The following CCDC178 variants were observed in gnomAD, a reference collection of about 807,000 sequenced individuals.
CCDC178 encodes coiled-coil domain-containing protein 178.
CCDC178 carries 126 observed loss-of-function variants against 117.4 expected under a neutral mutation model. The observed-to-expected ratio is 1.07, with a 90% CI of 0.93 to 1.24. The LOEUF is 1.24. CCDC178 is among the 50% of genes most tolerant of loss of function. The pLI, the probability that CCDC178 is intolerant of heterozygous loss-of-function variation, is 0.00. For synonymous variants in CCDC178, 283 were observed against 313.4 expected, an observed-to-expected ratio of 0.90 and a Z score of 1.02; for missense variants, 1,030 against 986.9, an observed-to-expected ratio of 1.04 and a Z score of -0.59.
chr18:33,300,355 T>C (rs2062161293), intron 11 of CCDC178, among the ~76,000 whole-genome samples: 1 of 152,200 alleles, frequency 6.6e-6, no homozygotes, highest in South Asian at 2.1e-4. Context: ...AATGGCTTAA[T>C]AAATAAAATT....
At chr18:32,938,691 A>T (rs2054172787) in intron 22 of CCDC178, among the ~76,000 whole-genome samples, 1 of 152,190 alleles carries the variant, frequency 6.6e-6, no homozygotes, top group Non-Finnish European at 1.5e-5. Flanking sequence ...TATATTTATA[A>T]CTACATGCTG....
Position 33,249,999 on chromosome 18 carries a change from G to A in CCDC178, c.1410-4571C>T, listed in dbSNP as rs185618542. 2.8e-3 allele frequency among the ~76,000 whole-genome samples: 424 copies of A among 151,942 alleles called. 11 individuals carry two copies. Among genetic ancestry groups the A allele is most frequent in the Non-Finnish European group, 6.0e-4 (41 of 67,902 alleles). On this transcript the variant is annotated intron_variant, in intron 14 of 22. Transcript: ENST00000383096. Reference sequence around the variant, plus strand: ...GTTCCTTCACATCCCTTGTAAGTTGGATTCCTAGGTATTTTATTCTCTTTG... The same window carrying A: ...GTTCCTTCACATCCCTTGTAAGTTGAATTCCTAGGTATTTTATTCTCTTTG...
chr18:33,107,539 A>G (rs1164095461), intron 20 of CCDC178, among the ~76,000 whole-genome samples: 1 of 151,798 alleles, frequency 6.6e-6, no homozygotes, highest in East Asian at 1.9e-4. Flanking sequence ...AATCACAATA[A>G]TAAGATGGTT....
At chr18:33,127,204 A>C (rs1488585010) in intron 20 of CCDC178, among the ~76,000 whole-genome samples, 1 of 151,842 alleles carries the variant, frequency 6.6e-6, no homozygotes, top group Admixed American at 6.6e-5. Context: ...AAACTTTCTG[A>C]TATTTATTCA....
chr18:32,946,066 G>C (rs1409072653), intron 22 of CCDC178, among the ~76,000 whole-genome samples: 1 of 152,036 alleles, frequency 6.6e-6, no homozygotes, highest in Non-Finnish European at 1.5e-5. Context: ...TTGGTGTTTG[G>C]AATAGGCATC....
intron 21 of CCDC178, among the ~76,000 whole-genome samples, chr18:33,066,549 T>C (rs1183396974): frequency 6.6e-6 from 1 of 152,100 alleles, no homozygotes; most frequent in Non-Finnish European, 1.5e-5. Flanking sequence ...TTAAAAGACA[T>C]AAACTGGCTA....
intron 20 of CCDC178, among the ~76,000 whole-genome samples, chr18:33,211,281 C>A (rs537044622): frequency 3.9e-4 from 59 of 151,822 alleles, no homozygotes; most frequent in Non-Finnish European, 7.7e-4. Context: ...GGTACTAATT[C>A]ATTACAATTA....
chr18:33,125,467 AC>A (rs1306774828), intron 20 of CCDC178, among the ~76,000 whole-genome samples: 6 of 152,168 alleles, frequency 3.9e-5, no homozygotes, highest in Non-Finnish European at 8.8e-5. Context: ...CACCTAAATG[AC>A]TTCACATATG....
chr18:33,317,598 C>T (rs189897976), intron 11 of CCDC178, among the ~76,000 whole-genome samples: 105 of 152,224 alleles, frequency 6.9e-4, no homozygotes, highest in Middle Eastern at 3.4e-3. Flanking sequence ...GATCCAAGAA[C>T]ACTCTCTTGG....
intron 21 of CCDC178, among the ~76,000 whole-genome samples, chr18:33,061,665 TC>T (rs1323875075): frequency 1.3e-5 from 2 of 152,244 alleles, no homozygotes; most frequent in African/African-American, 4.8e-5. Flanking sequence ...CTCAGCTACA[TC>T]TTCACACATT....
At chr18:33,336,935 A>T (rs1238856945) in intron 9 of CCDC178, among the ~76,000 whole-genome samples, 2 of 151,980 alleles carry the variant, frequency 1.3e-5, no homozygotes, top group Non-Finnish European at 2.9e-5. Flanking sequence ...TTCTGTGAAG[A>T]ATGGTGGTAG....
intron 21 of CCDC178, among the ~76,000 whole-genome samples, chr18:33,070,333 C>T (rs995515450): frequency 6.6e-6 from 1 of 152,036 alleles, no homozygotes; most frequent in African/African-American, 2.4e-5. Context: ...CAATAGAATA[C>T]TATTCAGCCA....
At chr18:33,051,606 A>C (rs927699895) in intron 21 of CCDC178, among the ~76,000 whole-genome samples, 2 of 152,170 alleles carry the variant, frequency 1.3e-5, no homozygotes, top group African/African-American at 4.8e-5. Flanking sequence ...ACACTTGACT[A>C]ATGTAGTTAT....
intron 7 of CCDC178, among the ~76,000 whole-genome samples, chr18:33,349,786 TAAAA>T (rs575959207): frequency 1.3e-5 from 2 of 151,822 alleles, no homozygotes; most frequent in Admixed American, 1.3e-4. Flanking sequence ...CCAAAAATCA[TAAAA>T]AATAATATAA....
At chr18:33,032,030 T>A (rs563824596) in intron 21 of CCDC178, among the ~76,000 whole-genome samples, 3 of 152,218 alleles carry the variant, frequency 2.0e-5, no homozygotes, top group African/African-American at 7.2e-5. Flanking sequence ...TATATAACTT[T>A]CACAAACAGG....
intron 21 of CCDC178, among the ~76,000 whole-genome samples, chr18:33,081,664 T>C (rs186998759): frequency 3.2e-4 from 49 of 152,312 alleles, no homozygotes; most frequent in Non-Finnish European, 1.0e-4. Flanking sequence ...TATCTTTCTT[T>C]AAAATATTTT....
intron 21 of CCDC178, among the ~76,000 whole-genome samples, chr18:32,983,056 T>G (rs2055185006): frequency 6.6e-6 from 1 of 151,526 alleles, no homozygotes; most frequent in South Asian, 2.1e-4. Context: ...TGCATGTATG[T>G]GGAAAGGGGG....
At chr18:33,222,458 G>A (rs1329582781) in intron 18 of CCDC178, among the ~76,000 whole-genome samples, 5 of 152,016 alleles carry the variant, frequency 3.3e-5, no homozygotes, top group Non-Finnish European at 5.9e-5. Context: ...CCAAGAACTA[G>A]GCAACAACAG....
intron 2 of CCDC178, among the ~76,000 whole-genome samples, chr18:33,428,796 A>T (rs2064161467): frequency 6.6e-6 from 1 of 150,820 alleles, no homozygotes; most frequent in Non-Finnish European, 1.5e-5. Context: ...GAGTGAGGGT[A>T]ATATAACAGG....
Sources: allele counts gnomAD v4.1 joint callset (sites outside exome capture counted in the v4.1 genomes callset), GRCh38; gene constraint gnomAD v4.1.1; transcripts MANE v1.5; gene names NCBI Gene and HGNC (gene_info 2026-07-23, HGNC 2026-07-21).